Variants in DAB2IP observed in about 807,000 individuals in gnomAD.
The protein encoded by DAB2IP is disabled homolog 2-interacting protein.
In DAB2IP, 28 loss-of-function variants were observed where a neutral mutation model predicts 107.2. The observed-to-expected ratio is 0.26, with a 90% confidence interval of 0.19 to 0.36. The LOEUF is 0.36. Among genes scored for constraint, DAB2IP ranks in the 10% least tolerant of loss-of-function variants. The pLI is 1.00. For synonymous variants in DAB2IP, 755 were observed against 706.4 expected (o/e 1.07, Z -1.09); for missense variants, 1,400 against 1,644.7 (o/e 0.85, Z 2.57).
intron 1 of DAB2IP, among the ~76,000 whole-genome samples, chr9:121,617,462 A>C (rs1052289981): frequency 1.2e-4 from 19 of 152,244 alleles, no homozygotes; most frequent in African/African-American, 4.6e-4. Context: ...AAGCTTCCTC[A>C]GGCTCTCTCA....
At chr9:121,714,928 C>T (rs936871094) in intron 3 of DAB2IP, among the ~76,000 whole-genome samples, 18 of 152,192 alleles carry the variant, frequency 1.2e-4, no homozygotes, top group African/African-American at 2.9e-4. Flanking sequence ...GGGGCTGCCA[C>T]GGGACTTGTA....
chr9:121,743,057 C>T, intron 3 of DAB2IP: 1 of 942,936 alleles, frequency 1.1e-6, no homozygotes, highest in East Asian at 1.2e-4. Context: ...GGGAGGAATA[C>T]TCTGGCTGGG....
chr9:121,736,541 G>C lies in DAB2IP; in HGVS notation c.363-20472G>C, dbSNP rs1450801127. 2.0e-5 allele frequency among the ~76,000 whole-genome samples: 3 copies of C among 151,542 alleles called. No individual in the cohort carries two copies. The highest frequency in any genetic ancestry group is 4.4e-5 in the Non-Finnish European group (3 of 67,770). Reference sequence around the variant, plus strand: ...GGGAAGGGCTGGGCCTACTGCTGTGGGGTGGGGGGCGGGTGGGAGGGCCCG... The same window carrying C: ...GGGAAGGGCTGGGCCTACTGCTGTGCGGTGGGGGGCGGGTGGGAGGGCCCG... On this transcript the variant is annotated intron_variant, in intron 3 of 15. Transcript: ENST00000408936. The surrounding 1 kb of genome is among the most constrained non-coding windows in gnomAD (Gnocchi z 4.6).
At chr9:121,777,113 C>T (rs1835257652) in intron 14 of DAB2IP, among the ~76,000 whole-genome samples, 1 of 152,144 alleles carries the variant, frequency 6.6e-6, no homozygotes. Flanking sequence ...GCAGGGAGTA[C>T]AATCAACCCC....
chr9:121,622,494 C>G (rs1243839205), intron 1 of DAB2IP, among the ~76,000 whole-genome samples: 1 of 152,200 alleles, frequency 6.6e-6, no homozygotes, highest in African/African-American at 2.4e-5. Context: ...AATTCTATTC[C>G]TTGTGACTCA....
chr9:121,691,751 T>G (rs988932675), intron 2 of DAB2IP, among the ~76,000 whole-genome samples: 5 of 152,152 alleles, frequency 3.3e-5, no homozygotes, highest in African/African-American at 1.2e-4. Flanking sequence ...CCCACCTTCT[T>G]CCGGAGGAAG....
In DAB2IP at chr9:121,702,732, C is replaced by G. The variant is rs973589628; in HGVS notation, c.362+3274C>G. 6.6e-6 allele frequency among the ~76,000 whole-genome samples: 1 copy of G among 152,106 alleles called. No individual in the cohort carries two copies. The highest frequency in any genetic ancestry group is 2.4e-5 in the African/African-American group (1 of 41,394). On this transcript the variant is annotated intron_variant, in intron 3 of 15. Coordinates refer to ENST00000408936, the Ensembl canonical transcript of DAB2IP. This position sits in a 1 kb window ranked among gnomAD's most constrained non-coding sequence, Gnocchi z 4.5. ...GTTCTGTCAGCCCAGAGGATAATTTCCAAGTCATTCATTTATTTATTAATG... is the reference window on the plus strand; with the variant it reads ...GTTCTGTCAGCCCAGAGGATAATTTGCAAGTCATTCATTTATTTATTAATG...
rs953149023 is a variant in DAB2IP at position 121,702,972 on chromosome 9, A to G, written c.362+3514A>G. Among the ~76,000 whole-genome samples the G allele has an allele frequency of 7.9e-5, 12 of 152,190 alleles. No individual in the cohort carries two copies. The highest frequency in any genetic ancestry group is 1.6e-4 in the Non-Finnish European group (11 of 68,036). ...GTCATCCTGGTGCGGAGCTTAGCTC[A>G]TAAATGCAGGCAGCTCTGGGGCAGG... On this transcript the variant is annotated intron_variant, in intron 3 of 15. Coordinates refer to ENST00000408936, the Ensembl canonical transcript of DAB2IP. This position sits in a 1 kb window ranked among gnomAD's most constrained non-coding sequence, Gnocchi z 4.5.
chr9:121,604,849 A>G (rs1365489962), intron 1 of DAB2IP, among the ~76,000 whole-genome samples: 1 of 152,170 alleles, frequency 6.6e-6, no homozygotes, highest in African/African-American at 2.4e-5. Flanking sequence ...TGAATCAGGC[A>G]TGATTTTTCC....
intron 1 of DAB2IP, among the ~76,000 whole-genome samples, chr9:121,672,467 C>A (rs1243067942): frequency 6.6e-6 from 1 of 152,168 alleles, no homozygotes; most frequent in Non-Finnish European, 1.5e-5. Flanking sequence ...CCATGGCAAC[C>A]AAGCCAGCAG....
intron 2 of DAB2IP, among the ~76,000 whole-genome samples, chr9:121,689,924 T>G (rs77317892): frequency 0.018 from 2,733 of 152,340 alleles, 92 homozygotes; most frequent in African/African-American, 0.062. Flanking sequence ...TGGAATTACA[T>G]GAGAGCTTTA....
intron 3 of DAB2IP, among the ~76,000 whole-genome samples, chr9:121,729,718 C>T (rs1309674467): frequency 6.6e-6 from 1 of 152,206 alleles, no homozygotes; most frequent in Non-Finnish European, 1.5e-5. Flanking sequence ...AAACAGGTCT[C>T]ATTTGGCCCG....
chr9:121,734,010 C>A (rs1029046802), intron 3 of DAB2IP, among the ~76,000 whole-genome samples: 6 of 152,224 alleles, frequency 3.9e-5, no homozygotes, highest in Non-Finnish European at 5.9e-5. Context: ...TGGATCAGGG[C>A]AGCTTCTGAA....
At chr9:121,777,724 G>T (rs1835305238) in intron 14 of DAB2IP, among the ~76,000 whole-genome samples, 1 of 152,008 alleles carries the variant, frequency 6.6e-6, no homozygotes, top group African/African-American at 2.4e-5. Flanking sequence ...ATTCTTAGGT[G>T]CATATACATT....
chr9:121,747,180 A>G (rs1466490868), intron 3 of DAB2IP, among the ~76,000 whole-genome samples: 1 of 152,006 alleles, frequency 6.6e-6, no homozygotes, highest in Non-Finnish European at 1.5e-5. Flanking sequence ...CACTCTCCCT[A>G]AACTTTCTGA....
chr9:121,615,922 G>A (rs778395170), intron 1 of DAB2IP, among the ~76,000 whole-genome samples: 4 of 152,100 alleles, frequency 2.6e-5, no homozygotes, highest in Non-Finnish European at 5.9e-5. Flanking sequence ...CACTGTGCCC[G>A]GCCTCAAAGA....
intron 3 of DAB2IP, among the ~76,000 whole-genome samples, chr9:121,740,556 T>A (rs1832267942): frequency 6.6e-6 from 1 of 152,208 alleles, no homozygotes; most frequent in Admixed American, 6.5e-5. Context: ...AAGTTTGAGA[T>A]GTTTTACACA....
intron 3 of DAB2IP, among the ~76,000 whole-genome samples, chr9:121,723,580 C>T (rs113295046): frequency 2.4e-4 from 36 of 152,352 alleles, no homozygotes; most frequent in African/African-American, 8.2e-4. Context: ...GGAACTCTCC[C>T]CACCCTGGTT....
chr9:121,733,336 A>G (rs191179385), intron 3 of DAB2IP, among the ~76,000 whole-genome samples: 55 of 152,346 alleles, frequency 3.6e-4, no homozygotes, highest in African/African-American at 1.2e-3. Context: ...TCCCCACGGG[A>G]TGTACAGGCG....
Sources: allele counts gnomAD v4.1 joint callset (sites outside exome capture counted in the v4.1 genomes callset), GRCh38; gene constraint gnomAD v4.1.1; non-coding constraint Gnocchi (gnomAD v3.1); transcripts MANE v1.5; gene names NCBI Gene and HGNC (gene_info 2026-07-23, HGNC 2026-07-21).